ZHX3: variants seen among roughly 807,000 people sequenced by gnomAD.
ZHX3 encodes zinc fingers and homeoboxes protein 3.
Under a neutral mutation model 64.5 loss-of-function variants are expected in ZHX3, and 20 were observed. The ratio of observed to expected loss-of-function variants is 0.31; its 90% CI spans 0.22 to 0.45. The LOEUF (loss-of-function observed/expected upper bound fraction) is 0.45, where lower values mean the gene tolerates loss of function less well. Among genes scored for constraint, ZHX3 ranks in the 20% least tolerant of loss-of-function variants. The pLI, the probability that ZHX3 is intolerant of heterozygous loss-of-function variation, is 1.00. For synonymous variants in ZHX3, 423 were observed against 461.6 expected (o/e 0.92, Z 1.07); for missense variants, 1,041 against 1,195.8 (o/e 0.87, Z 1.91).
At chr20:41,247,375 A>T (rs1255873205) in intron 2 of ZHX3, among the ~76,000 whole-genome samples, 1 of 152,132 alleles carries the variant, frequency 6.6e-6, no homozygotes, top group Non-Finnish European at 1.5e-5. Context: ...TCTAATCTGG[A>T]CTCAGCTACT....
chr20:41,179,158 G>A lies in ZHX3; in HGVS notation c.*6033C>T, dbSNP rs977441710. The A allele has an allele frequency of 6.6e-6, 1 of 152,202 alleles. No homozygotes were observed. Among genetic ancestry groups the A allele is most frequent in the African/African-American group, 2.4e-5 (1 of 41,428 alleles). The allele number at this position is 152,202 out of a possible 1,614,324, so 9.4% of individuals were successfully genotyped here. A position where few individuals can be genotyped will look rare whatever the true frequency, so the allele number is the denominator to read the frequency against. On this transcript the variant is annotated 3_prime_UTR_variant, in exon 4 of 4. Transcript: ENST00000683867. This position sits in a 1 kb window ranked among gnomAD's most constrained non-coding sequence, Gnocchi z 4.3. ...AACTCAATGAACAATGGCCAGCAGG[G>A]GAGAAAGGAAGGTGGGCGTGTTTTC...
intron 2 of ZHX3, among the ~76,000 whole-genome samples, chr20:41,268,153 A>ATGGAGT (rs145629730): frequency 0.026 from 4,022 of 152,266 alleles, 62 homozygotes; most frequent in Non-Finnish European, 0.037. Context: ...AGATGTTGCC[A>ATGGAGT]TGGAGTTGCC....
Position 41,202,374 on chromosome 20 carries a change from T to C in ZHX3, c.2543A>G (p.Glu848Gly), listed in dbSNP as rs1219668514. Residue 848 changes from glutamate to glycine, a missense_variant, in exon 3 of 4, where the codon GAG becomes GGG. Glu to Gly is a moderately conservative substitution (Grantham distance 98). This residue lies in a region of ZHX3 where 649 missense variants were observed against 739.8 expected (regional missense o/e 0.88). Coordinates refer to ENST00000683867, the MANE Select transcript of ZHX3 (RefSeq NM_001384317.1). This position sits in a 1 kb window ranked among gnomAD's most constrained non-coding sequence, Gnocchi z 7.0. ...TGTCATGTAATAGTCCTGCAGGAGC[T>C]CCCGGTTGCCAGGGGCAATGACCAG... is the stretch of plus-strand genomic sequence containing the variant. ...GLLVIAPGNR[E>G]LLQDYYMTHK... is the part of the protein sequence containing the mutation. 1.9e-6 allele frequency: 3 copies of C among 1,614,068 alleles called. No homozygotes were observed. Among genetic ancestry groups the C allele is most frequent in the Non-Finnish European group, 1.7e-6 (2 of 1,180,042 alleles).
In ZHX3 at chr20:41,202,230, T is replaced by C; in HGVS notation, c.2687A>G (p.Asp896Gly). ...KMGEETRAVADTGSEDQGPGT... is the reference protein window; with the variant it reads ...KMGEETRAVAGTGSEDQGPGT... The stretch of plus-strand genomic sequence containing the variant: ...AGGGCCCTGGTCCTCACTGCCTGTG[T>C]CTGCCACGGCTCTGGTCTCCTCCCC... Residue 896 changes from aspartate (D) to glycine (G), a missense_variant, in exon 3 of 4, where the codon GAC becomes GGC. By Grantham distance (94) the Asp-to-Gly change is moderately conservative. This residue lies in a region of ZHX3 where 649 missense variants were observed against 739.8 expected (regional missense o/e 0.88). Transcript: ENST00000683867. This position sits in a 1 kb window ranked among gnomAD's most constrained non-coding sequence, Gnocchi z 7.0. 1 of 1,614,116 alleles carries C rather than the reference T, an allele frequency of 6.2e-7. No homozygotes were observed. Among genetic ancestry groups the C allele is most frequent in the Non-Finnish European group, 8.5e-7 (1 of 1,180,030 alleles).
intron 2 of ZHX3, among the ~76,000 whole-genome samples, chr20:41,250,777 T>C (rs1315861255): frequency 1.3e-5 from 2 of 152,032 alleles, no homozygotes; most frequent in Non-Finnish European, 2.9e-5. Flanking sequence ...AGACAAAGAA[T>C]AACTCTTGAA....
intron 2 of ZHX3, among the ~76,000 whole-genome samples, chr20:41,243,049 G>C (rs1299170086): frequency 1.3e-5 from 2 of 152,230 alleles, no homozygotes; most frequent in Non-Finnish European, 2.9e-5. Flanking sequence ...CAAAGCAGCA[G>C]ACTTCTGGGT....
At chr20:41,254,593 T>A (rs1320758150) in intron 2 of ZHX3, 1 of 152,272 alleles carries the variant, frequency 6.6e-6, no homozygotes, top group African/African-American at 2.4e-5. Flanking sequence ...ATTACCTTTG[T>A]AGCTTTGGGC....
intron 2 of ZHX3, among the ~76,000 whole-genome samples, chr20:41,248,675 C>T (rs919328832): frequency 6.6e-6 from 1 of 152,192 alleles, no homozygotes; most frequent in African/African-American, 2.4e-5. Context: ...ATTTCTCTCT[C>T]CAAAACCTCA....
chr20:41,313,593 C>CTTTTT (rs58599783), intron 1 of ZHX3, among the ~76,000 whole-genome samples: 15 of 103,772 alleles, frequency 1.4e-4, no homozygotes, highest in African/African-American at 2.0e-4. Context: ...ACTTTTAGGC[C>CTTTTT]TTTTTTTTTT....
At chr20:41,295,943 GACAC>G (rs2044494012) in intron 1 of ZHX3, among the ~76,000 whole-genome samples, 1 of 151,992 alleles carries the variant, frequency 6.6e-6, no homozygotes. Flanking sequence ...AGTAAAAGGT[GACAC>G]ACACAGTTTG....
intron 3 of ZHX3, among the ~76,000 whole-genome samples, chr20:41,186,328 C>G (rs1163484922): frequency 6.6e-6 from 1 of 152,212 alleles, no homozygotes; most frequent in Non-Finnish European, 1.5e-5. Context: ...TAGGATATAT[C>G]AGAATTTTAT....
At chr20:41,253,877 G>C (rs2042108411) in intron 2 of ZHX3, among the ~76,000 whole-genome samples, 1 of 152,112 alleles carries the variant, frequency 6.6e-6, no homozygotes, top group Admixed American at 6.5e-5. Context: ...AACTGGTAGT[G>C]GGTATATGGT....
At chr20:41,230,925 T>C (rs946875201) in intron 2 of ZHX3, among the ~76,000 whole-genome samples, 2 of 152,216 alleles carry the variant, frequency 1.3e-5, no homozygotes, top group African/African-American at 2.4e-5. Flanking sequence ...GTACATTCTA[T>C]GGGTTTGGAC....
chr20:41,282,525 A>G (rs1255908741), intron 1 of ZHX3, among the ~76,000 whole-genome samples: 1 of 151,908 alleles, frequency 6.6e-6, no homozygotes, highest in African/African-American at 2.4e-5. Context: ...CACCTGGCTA[A>G]TTTTTTGTAA....
At position 41,202,990 on chromosome 20, in the gene ZHX3, C is replaced by A; in HGVS notation, c.1927G>T (p.Asp643Tyr). ...QNPLPLDEEL[D>Y]RLRSETKMTR... is the part of the protein sequence containing the mutation. Reference sequence around the variant, plus strand: ...ATTTTGGTTTCACTTCTCAGGCGGTCCAGTTCCTCATCAAGAGGAAGAGGG... The same window carrying A: ...ATTTTGGTTTCACTTCTCAGGCGGTACAGTTCCTCATCAAGAGGAAGAGGG... Residue 643 changes from aspartate (D) to tyrosine (Y), a missense_variant, in exon 3 of 4, where the codon GAC becomes TAC. Asp to Tyr is a radical substitution (Grantham distance 160, BLOSUM62 -3). Around this residue, in one of 4 missense-constraint regions of ZHX3, gnomAD observed 649 missense variants for 739.8 expected, o/e 0.88. Coordinates refer to ENST00000683867, the MANE Select transcript of ZHX3 (RefSeq NM_001384317.1). The surrounding 1 kb of genome is among the most constrained non-coding windows in gnomAD (Gnocchi z 7.0). The A allele has an allele frequency of 6.2e-7, 1 of 1,614,106 alleles. No homozygotes were observed. Among genetic ancestry groups the A allele is most frequent in the Non-Finnish European group, 8.5e-7 (1 of 1,180,026 alleles).
In ZHX3 at chr20:41,202,750, T is replaced by C; in HGVS notation, c.2167A>G (p.Ser723Gly). The change falls in exon 3 of 4, where the codon AGC becomes GGC. Residue 723 changes from serine (S) to glycine (G), a missense_variant. Ser to Gly is a moderately conservative substitution (Grantham distance 56). Around this residue, in one of 4 missense-constraint regions of ZHX3, gnomAD observed 649 missense variants for 739.8 expected, o/e 0.88. Coordinates refer to ENST00000683867, the MANE Select transcript of ZHX3 (RefSeq NM_001384317.1). The surrounding 1 kb of genome is among the most constrained non-coding windows in gnomAD (Gnocchi z 7.0). Reference sequence around the variant, plus strand: ...TTCTTCAGGTTGATTTTAATGGGGCTGACTTTGCGCTCTGCCAAGATATGG... The same window carrying C: ...TTCTTCAGGTTGATTTTAATGGGGCCGACTTTGCGCTCTGCCAAGATATGG... ...SSHILAERKV[S>G]PIKINLKNLR... 1 of 1,614,136 alleles carries C rather than the reference T, an allele frequency of 6.2e-7. No individual in the cohort carries two copies. The highest frequency in any genetic ancestry group is 8.5e-7 in the Non-Finnish European group (1 of 1,180,034).
At position 41,219,264 on chromosome 20, in the gene ZHX3, C is replaced by T. The variant is rs1199954879; in HGVS notation, c.-150-14198G>A. On this transcript the variant is annotated intron_variant, in intron 2 of 3. Transcript: ENST00000683867. The surrounding 1 kb of genome is among the most constrained non-coding windows in gnomAD (Gnocchi z 5.0). ...ACTCTTATTTTTGTCTAATCACCAA[C>T]AGAAATAGCCCACTCTAGTCAGATA... is the stretch of plus-strand genomic sequence containing the variant. 6.6e-6 allele frequency among the ~76,000 whole-genome samples: 1 copy of T among 152,248 alleles called. No individual in the cohort carries two copies. The highest frequency in any genetic ancestry group is 2.1e-4 in the South Asian group (1 of 4,816).
chr20:41,291,991 G>A (rs1283392572), intron 1 of ZHX3, among the ~76,000 whole-genome samples: 1 of 118,782 alleles, frequency 8.4e-6, no homozygotes, highest in Admixed American at 1.1e-4. Flanking sequence ...CCAGCCTGGG[G>A]AACACAGCAA....
chr20:41,258,718 G>C (rs2042399156), intron 2 of ZHX3, among the ~76,000 whole-genome samples: 2 of 152,114 alleles, frequency 1.3e-5, no homozygotes, highest in African/African-American at 4.8e-5. Flanking sequence ...GGTGGTGTTG[G>C]TCTTGACCTC....
Sources: gnomAD v4.1 joint callset for allele counts (sites outside exome capture counted in the v4.1 genomes callset) on GRCh38, gnomAD v4.1.1 for gene constraint, gnomAD v4.1.1 regional missense constraint, Gnocchi (gnomAD v3.1) non-coding constraint, MANE v1.5 for transcripts, NCBI Gene and HGNC (gene_info 2026-07-23, HGNC 2026-07-21) for gene names.